The following ARHGAP26 variants were observed in gnomAD, a reference collection of about 807,000 sequenced individuals.
ARHGAP26 encodes the protein Rho GTPase activating protein 26, also known as rho GTPase-activating protein 26.
Under a neutral mutation model 104.8 loss-of-function variants are expected in ARHGAP26, and 38 were observed. That is an observed-to-expected ratio of 0.36 (90% CI 0.28 to 0.48). ARHGAP26 has a LOEUF of 0.48. ARHGAP26 is among the 20% of genes least tolerant of loss of function. The pLI is 0.99. For synonymous variants in ARHGAP26, 341 were observed against 340.0 expected (o/e 1.00, Z -0.03); for missense variants, 704 against 947.9 (o/e 0.74, Z 3.38).
At chr5:142,918,891 T>C (rs1762846598) in intron 10 of ARHGAP26, among the ~76,000 whole-genome samples, 1 of 152,240 alleles carries the variant, frequency 6.6e-6, no homozygotes, top group Non-Finnish European at 1.5e-5. Context: ...AATGATTCTT[T>C]GAAGGTTCCT....
intron 1 of ARHGAP26, among the ~76,000 whole-genome samples, chr5:142,863,403 G>A (rs931373114): frequency 1.3e-5 from 2 of 152,132 alleles, no homozygotes; most frequent in African/African-American, 4.8e-5. Flanking sequence ...CACTGCGCCC[G>A]GCCTCAAGTG....
Position 142,873,419 on chromosome 5 carries a change from G to C in ARHGAP26, c.174G>C (p.Arg58=), listed in dbSNP as rs1755629044. The change falls in exon 2 of 23, where the codon CGG becomes CGC. Residue 58 remains arginine, a synonymous_variant. Transcript: ENST00000645722. ...TGCTAGATTTGTCTTCAGCGAAGCG[G>C]AAGTTTGCAGATTCCTTAAATGAAT... is the stretch of plus-strand genomic sequence containing the variant. ...SALKNLSSAK[R]KFADSLNEFK... is the part of the protein sequence containing the mutation. 1.9e-6 allele frequency: 3 copies of C among 1,593,420 alleles called. No homozygotes were observed. The highest frequency in any genetic ancestry group is 2.7e-5 in the African/African-American group (2 of 73,560).
At chr5:143,063,223 C>G (rs1414025262) in intron 17 of ARHGAP26, among the ~76,000 whole-genome samples, 1 of 152,088 alleles carries the variant, frequency 6.6e-6, no homozygotes, top group African/African-American at 2.4e-5. Flanking sequence ...GATTTTAACC[C>G]TTTTCTATCT....
intron 12 of ARHGAP26, among the ~76,000 whole-genome samples, chr5:143,018,419 C>G (rs556727002): frequency 6.6e-6 from 1 of 152,154 alleles, no homozygotes; most frequent in South Asian, 2.1e-4. Flanking sequence ...GCCTTTATGA[C>G]CCATGTCACA....
At chr5:143,155,018 G>A (rs1416065232) in intron 20 of ARHGAP26, among the ~76,000 whole-genome samples, 8 of 152,114 alleles carry the variant, frequency 5.3e-5, no homozygotes, top group African/African-American at 1.9e-4. Flanking sequence ...TCAACTTTTT[G>A]TGGAGAAGGA....
chr5:142,835,057 C>T (rs949118866), intron 1 of ARHGAP26, among the ~76,000 whole-genome samples: 3 of 152,176 alleles, frequency 2.0e-5, no homozygotes, highest in African/African-American at 7.2e-5. Flanking sequence ...GATGTATTGT[C>T]TCCATCTGAT....
chr5:142,879,538 T>C, intron 4 of ARHGAP26, 93 bp downstream of exon 4: 1 of 1,212,144 alleles, frequency 8.2e-7, no homozygotes, highest in East Asian at 2.4e-5. Context: ...AGAAATGTCT[T>C]CAGAAAATCG....
chr5:142,770,747 G>A lies in ARHGAP26; in HGVS notation c.-15G>A. ...CCGGCGGAGGCGCGCCCCCCGGCTG[G>A]GCGCCGCGCGCACCATGGGGCTCCC... On this transcript the variant is annotated 5_prime_UTR_variant, in exon 1 of 23. Coordinates refer to ENST00000645722, the MANE Select transcript of ARHGAP26 (RefSeq NM_001135608.3). 7.3e-7 allele frequency: 1 copy of A among 1,364,524 alleles called. No homozygotes were observed. Among genetic ancestry groups the A allele is most frequent in the Non-Finnish European group, 9.6e-7 (1 of 1,045,996 alleles). 84.5% of individuals were successfully genotyped at this position (1,364,524 alleles called of 1,614,324 possible).
intron 17 of ARHGAP26, among the ~76,000 whole-genome samples, chr5:143,101,598 A>G (rs987439196): frequency 6.6e-6 from 1 of 150,916 alleles, no homozygotes; most frequent in Admixed American, 6.6e-5. Context: ...GTCAGATATA[A>G]TGCTCTTCAG....
intron 11 of ARHGAP26, among the ~76,000 whole-genome samples, chr5:142,935,205 T>C (rs1765239100): frequency 6.6e-6 from 1 of 152,222 alleles, no homozygotes; most frequent in African/African-American, 2.4e-5. Context: ...TCTGGGAACT[T>C]ACATAATATT....
chr5:143,037,648 T>G (rs1036027758), intron 13 of ARHGAP26, among the ~76,000 whole-genome samples: 1 of 152,352 alleles, frequency 6.6e-6, no homozygotes, highest in African/African-American at 2.4e-5. Flanking sequence ...AAGATATCCA[T>G]AATAATTGTA....
chr5:142,994,240 G>A (rs552702047), intron 11 of ARHGAP26, among the ~76,000 whole-genome samples: 1 of 152,254 alleles, frequency 6.6e-6, no homozygotes, highest in East Asian at 1.9e-4. Context: ...GGATGTTCAC[G>A]GGCAGAGATG....
At chr5:142,952,645 G>A (rs1414627724) in intron 11 of ARHGAP26, among the ~76,000 whole-genome samples, 5 of 152,100 alleles carry the variant, frequency 3.3e-5, no homozygotes, top group African/African-American at 1.2e-4. Flanking sequence ...TACTCTTTGG[G>A]AGATCAGTCA....
intron 11 of ARHGAP26, among the ~76,000 whole-genome samples, chr5:142,937,036 C>A (rs1049149859): frequency 6.6e-6 from 1 of 152,070 alleles, no homozygotes; most frequent in Non-Finnish European, 1.5e-5. Flanking sequence ...CAAAATTAAA[C>A]GCTTTTGCTT....
At chr5:142,942,092 GAGTC>G (rs1482981449) in intron 11 of ARHGAP26, among the ~76,000 whole-genome samples, 5 of 151,998 alleles carry the variant, frequency 3.3e-5, no homozygotes, top group Admixed American at 2.6e-4. Flanking sequence ...TAAACAACTA[GAGTC>G]AAAACTAAAG....
intron 19 of ARHGAP26, among the ~76,000 whole-genome samples, chr5:143,144,095 C>T (rs1798880215): frequency 6.6e-6 from 1 of 152,116 alleles, no homozygotes; most frequent in Admixed American, 6.5e-5. Context: ...ATCTTGTTGA[C>T]TTGACTCATA....
chr5:143,082,718 G>T (rs1789998754), intron 17 of ARHGAP26, among the ~76,000 whole-genome samples: 1 of 152,224 alleles, frequency 6.6e-6, no homozygotes, highest in Admixed American at 6.5e-5. Context: ...CTGAAACCAA[G>T]AAGATGGGAG....
intron 20 of ARHGAP26, among the ~76,000 whole-genome samples, chr5:143,149,148 C>A (rs1020039478): frequency 1.3e-5 from 2 of 152,094 alleles, no homozygotes; most frequent in Non-Finnish European, 2.9e-5. Context: ...CACTTCACAC[C>A]ACCCAGAGGG....
At chr5:143,078,251 C>T (rs1223375920) in intron 17 of ARHGAP26, among the ~76,000 whole-genome samples, 5 of 152,114 alleles carry the variant, frequency 3.3e-5, no homozygotes, top group South Asian at 2.1e-4. Flanking sequence ...GGGCCTAGGG[C>T]GAGGCAGAAG....
Sources: gnomAD v4.1 joint callset for allele counts (sites outside exome capture counted in the v4.1 genomes callset) on GRCh38, gnomAD v4.1.1 for gene constraint, MANE v1.5 for transcripts, NCBI Gene and HGNC (gene_info 2026-07-23, HGNC 2026-07-21) for gene names.